The following PPTC7 variants were observed in gnomAD, a reference collection of about 807,000 sequenced individuals.
PPTC7 encodes the protein protein phosphatase PTC7 homolog.
In PPTC7, 6 loss-of-function variants were observed where a neutral mutation model predicts 30.8. That is an observed-to-expected ratio of 0.19 (90% confidence interval 0.11 to 0.38). PPTC7 has a LOEUF of 0.38. PPTC7 is among the 10% of genes least tolerant of loss of function. The pLI, the probability that PPTC7 is intolerant of heterozygous loss-of-function variation, is 1.00. For missense variants in PPTC7, 218 were observed against 404.8 expected, an observed-to-expected ratio of 0.54 and a Z score of 3.96; for synonymous variants, 163 against 168.1, an observed-to-expected ratio of 0.97 and a Z score of 0.23.
chr12:110,536,899 T>C lies in PPTC7; in HGVS notation c.*138A>G. 1.5e-6 allele frequency: 1 copy of C among 675,770 alleles called. No individual in the cohort carries two copies. The highest frequency in any genetic ancestry group is 2.4e-5 in the Admixed American group (1 of 42,480). The allele number at this position is 675,770 out of a possible 1,614,324, so 41.9% of individuals were successfully genotyped here. A position where few individuals can be genotyped will look rare whatever the true frequency, so the allele number is the denominator to read the frequency against. ...TTCTCAACAAAGATCTCAACGAGTC[T>C]CAAGAAGACAGGCAAAAGACTTACA... On this transcript the variant is annotated 3_prime_UTR_variant, in exon 6 of 6. Coordinates refer to ENST00000354300, the MANE Select transcript of PPTC7 (RefSeq NM_139283.2).
chr12:110,542,200 G>C (rs2064266337), intron 3 of PPTC7, among the ~76,000 whole-genome samples: 2 of 151,642 alleles, frequency 1.3e-5, no homozygotes, highest in South Asian at 4.2e-4. Flanking sequence ...GAATGAAGCA[G>C]CAAAATATTT....
At chr12:110,569,310 G>C (rs561776872) in intron 1 of PPTC7, among the ~76,000 whole-genome samples, 1 of 152,080 alleles carries the variant, frequency 6.6e-6, no homozygotes, top group African/African-American at 2.4e-5. Context: ...TCCAGCCTGG[G>C]CGACAGAGTG....
intron 2 of PPTC7, 85 bp from the exon 3 acceptor site, chr12:110,546,163 C>T (rs2064304392): frequency 9.3e-7 from 1 of 1,074,154 alleles, no homozygotes; most frequent in Admixed American, 2.0e-5. Context: ...CACAGAGCAA[C>T]ACACCATAAT....
At chr12:110,538,041 T>A (rs909632128) in intron 5 of PPTC7, 103 bp downstream of exon 5, 2 of 1,268,846 alleles carry the variant, frequency 1.6e-6, no homozygotes, top group East Asian at 4.8e-5. Context: ...GTTTGGGGGC[T>A]GGGAGAGGAC....
chr12:110,569,038 C>A (rs1414216777), intron 1 of PPTC7, among the ~76,000 whole-genome samples: 4 of 146,050 alleles, frequency 2.7e-5, no homozygotes, highest in Non-Finnish European at 4.5e-5. Context: ...CCCCGCCCCC[C>A]CCCCTCAAAA....
intron 2 of PPTC7, among the ~76,000 whole-genome samples, chr12:110,548,904 T>C (rs1358540453): frequency 6.6e-6 from 1 of 152,140 alleles, no homozygotes; most frequent in Non-Finnish European, 1.5e-5. Context: ...TGTGTGCACG[T>C]GGCTCAGGCC....
Position 110,540,082 on chromosome 12 carries a change from A to T in PPTC7, c.603-137T>A, listed in dbSNP as rs564029508. On this transcript the variant is annotated intron_variant, in intron 3 of 5. Transcript: ENST00000354300. ...ATTTATCATAATGGAGTCAATTTTT[A>T]AAAAAAGTCATTCTGAAATTCCCAA... 91 of 675,162 alleles carry T rather than the reference A, an allele frequency of 1.3e-4. No homozygotes were observed. In the Middle Eastern group the frequency reaches 1.7e-3, roughly 13 times the overall value. The allele number at this position is 675,162 out of a possible 1,614,324, so 41.8% of individuals were successfully genotyped here. A position where few individuals can be genotyped will look rare whatever the true frequency, so the allele number is the denominator to read the frequency against.
chr12:110,555,257 C>G (rs1024328442), intron 1 of PPTC7, among the ~76,000 whole-genome samples: 4 of 152,204 alleles, frequency 2.6e-5, no homozygotes, highest in Non-Finnish European at 5.9e-5. Flanking sequence ...GGGACAGCAA[C>G]TTTCCCCACC....
intron 1 of PPTC7, among the ~76,000 whole-genome samples, chr12:110,579,741 G>T (rs919514110): frequency 6.6e-6 from 1 of 152,156 alleles, no homozygotes; most frequent in African/African-American, 2.4e-5. Context: ...GGCTGGGCGC[G>T]GTGGTTCATG....
intron 4 of PPTC7, among the ~76,000 whole-genome samples, chr12:110,539,358 A>T (rs1419112933): frequency 1.3e-5 from 2 of 152,218 alleles, no homozygotes; most frequent in Non-Finnish European, 2.9e-5. Flanking sequence ...GCCAGGAAAA[A>T]ATTGAAAGCC....
intron 1 of PPTC7, among the ~76,000 whole-genome samples, chr12:110,575,164 A>C (rs950437339): frequency 9.2e-5 from 14 of 152,212 alleles, no homozygotes; most frequent in African/African-American, 3.4e-4. Flanking sequence ...AACAACAAAA[A>C]TTAGGATCCA....
At chr12:110,572,142 T>C (rs895165604) in intron 1 of PPTC7, among the ~76,000 whole-genome samples, 2 of 152,168 alleles carry the variant, frequency 1.3e-5, no homozygotes, top group Non-Finnish European at 2.9e-5. Context: ...AACAGCATCC[T>C]TGAAAGATAA....
chr12:110,571,686 C>T (rs1327511171), intron 1 of PPTC7, among the ~76,000 whole-genome samples: 3 of 152,112 alleles, frequency 2.0e-5, no homozygotes, highest in Non-Finnish European at 4.4e-5. Flanking sequence ...CAGGAAAAAA[C>T]ATAGCCTATA....
chr12:110,569,421 A>C (rs1413751402), intron 1 of PPTC7, among the ~76,000 whole-genome samples: 1 of 152,216 alleles, frequency 6.6e-6, no homozygotes, highest in African/African-American at 2.4e-5. Flanking sequence ...AAGTCTGGAG[A>C]TAACACTGCT....
chr12:110,538,309 T>C, intron 4 of PPTC7, 36 bp from the exon 5 acceptor site: 1 of 1,596,166 alleles, frequency 6.3e-7, no homozygotes, highest in Non-Finnish European at 8.6e-7. Flanking sequence ...TTTACCATAA[T>C]GCTCAAGACA....
Position 110,536,726 on chromosome 12 carries a change from C to G in PPTC7, c.*311G>C, listed in dbSNP as rs2135756666. ...CCAACATTACTCATTTTCAATACTTCAACTACTTTGAAAAGTAACAGCCAC... is the reference window on the plus strand; with the variant it reads ...CCAACATTACTCATTTTCAATACTTGAACTACTTTGAAAAGTAACAGCCAC... On this transcript the variant is annotated 3_prime_UTR_variant, in exon 6 of 6. Coordinates refer to ENST00000354300, the MANE Select transcript of PPTC7 (RefSeq NM_139283.2). 3.2e-6 allele frequency: 1 copy of G among 314,664 alleles called. No individual in the cohort carries two copies. The highest frequency in any genetic ancestry group is 5.8e-6 in the Non-Finnish European group (1 of 173,186). 19.5% of individuals were successfully genotyped at this position (314,664 alleles called of 1,614,324 possible).
chr12:110,564,350 T>A (rs2064462516), intron 1 of PPTC7, among the ~76,000 whole-genome samples: 3 of 152,224 alleles, frequency 2.0e-5, no homozygotes, highest in Admixed American at 6.5e-5. Context: ...AAATGTCACA[T>A]AATACCAAAT....
At chr12:110,548,832 A>T (rs758624424) in intron 2 of PPTC7, among the ~76,000 whole-genome samples, 10 of 152,204 alleles carry the variant, frequency 6.6e-5, no homozygotes, top group Non-Finnish European at 1.5e-4. Context: ...GTATAAGCCC[A>T]GCCTTACAGA....
At chr12:110,576,256 AT>A (rs2064588091) in intron 1 of PPTC7, among the ~76,000 whole-genome samples, 1 of 151,860 alleles carries the variant, frequency 6.6e-6, no homozygotes, top group African/African-American at 2.4e-5. Context: ...TTTTTAAAGT[AT>A]TTTCCCTTAT....
Sources: gnomAD v4.1 joint callset for allele counts (sites outside exome capture counted in the v4.1 genomes callset) on GRCh38, gnomAD v4.1.1 for gene constraint, MANE v1.5 for transcripts, NCBI Gene and HGNC (gene_info 2026-07-23, HGNC 2026-07-21) for gene names.